AGBL4: variants seen among roughly 807,000 people sequenced by gnomAD.
AGBL4 encodes cytosolic carboxypeptidase 6.
AGBL4 carries 58 observed loss-of-function variants against 66.4 expected under a neutral mutation model. The observed-to-expected ratio is 0.87, with a 90% CI of 0.71 to 1.09. AGBL4 has a LOEUF of 1.09. Ranked by LOEUF, AGBL4 falls within the 50% of genes least tolerant of loss-of-function variation. The pLI, the probability that AGBL4 is intolerant of heterozygous loss-of-function variation, is 0.00. For synonymous variants in AGBL4, 234 were observed against 222.9 expected, an observed-to-expected ratio of 1.05 and a Z score of -0.44; for missense variants, 579 against 631.0, an observed-to-expected ratio of 0.92 and a Z score of 0.88.
At chr1:49,530,292 T>G (rs1319846553) in intron 3 of AGBL4, among the ~76,000 whole-genome samples, 1 of 52,680 alleles carries the variant, frequency 1.9e-5, no homozygotes, top group Non-Finnish European at 5.1e-5. Context: ...ACTCTATGAG[T>G]TTTTTTTTAT....
intron 3 of AGBL4, among the ~76,000 whole-genome samples, chr1:49,471,138 ATCTC>A (rs1436719376): frequency 6.6e-6 from 1 of 151,990 alleles, no homozygotes; most frequent in Non-Finnish European, 1.5e-5. Context: ...ACACATAACA[ATCTC>A]TCCTAAAATG....
intron 1 of AGBL4, among the ~76,000 whole-genome samples, chr1:49,942,863 C>T (rs562450464): frequency 7.9e-5 from 12 of 152,088 alleles, no homozygotes; most frequent in Middle Eastern, 3.4e-3. Flanking sequence ...AACTGAGTGA[C>T]GAGACAACCT....
intron 3 of AGBL4, among the ~76,000 whole-genome samples, chr1:49,285,238 A>G (rs1644376726): frequency 6.6e-6 from 1 of 152,348 alleles, no homozygotes; most frequent in Non-Finnish European, 1.5e-5. Flanking sequence ...GCTCAACTAC[A>G]TGGAAACTGA....
chr1:49,271,224 G>A (rs1644050739), intron 3 of AGBL4, among the ~76,000 whole-genome samples: 1 of 152,030 alleles, frequency 6.6e-6, no homozygotes, highest in South Asian at 2.1e-4. Flanking sequence ...GGACATATGG[G>A]ACTTTTGGGA....
chr1:48,798,393 A>G (rs770301256), intron 6 of AGBL4, among the ~76,000 whole-genome samples: 7 of 151,998 alleles, frequency 4.6e-5, no homozygotes, highest in African/African-American at 1.7e-4. Flanking sequence ...TGTCGGATGC[A>G]TAGTTTGTGA....
intron 6 of AGBL4, among the ~76,000 whole-genome samples, chr1:48,786,787 G>C (rs1645417393): frequency 6.6e-6 from 1 of 152,140 alleles, no homozygotes; most frequent in South Asian, 2.1e-4. Flanking sequence ...TTACTGCCGG[G>C]GAAGAGTGGA....
At chr1:49,669,741 A>C (rs919033855) in intron 3 of AGBL4, among the ~76,000 whole-genome samples, 2 of 152,186 alleles carry the variant, frequency 1.3e-5, no homozygotes, top group Non-Finnish European at 2.9e-5. Context: ...AATCTTCCCA[A>C]TAAGGCAAAT....
At chr1:49,596,461 A>G (rs1644855923) in intron 3 of AGBL4, among the ~76,000 whole-genome samples, 1 of 152,124 alleles carries the variant, frequency 6.6e-6, no homozygotes, top group Non-Finnish European at 1.5e-5. Flanking sequence ...GTGAGGCACT[A>G]CGCCCAGCCT....
chr1:48,990,469 T>C (rs993629813), intron 5 of AGBL4, among the ~76,000 whole-genome samples: 3 of 152,142 alleles, frequency 2.0e-5, no homozygotes, highest in African/African-American at 7.2e-5. Context: ...CAAAGACCAA[T>C]GTCCTGGAGA....
chr1:49,349,584 A>G (rs1645707206), intron 3 of AGBL4, among the ~76,000 whole-genome samples: 1 of 152,068 alleles, frequency 6.6e-6, no homozygotes, highest in South Asian at 2.1e-4. Context: ...GACACTATGT[A>G]CCTCTTCTTT....
chr1:49,193,403 T>G (rs2148212251), intron 4 of AGBL4, among the ~76,000 whole-genome samples: 1 of 152,084 alleles, frequency 6.6e-6, no homozygotes, highest in Non-Finnish European at 1.5e-5. Context: ...TGTTTCCATA[T>G]TCATTCATTT....
intron 4 of AGBL4, among the ~76,000 whole-genome samples, chr1:49,142,757 T>C (rs981711452): frequency 1.3e-5 from 2 of 152,096 alleles, no homozygotes; most frequent in African/African-American, 4.8e-5. Flanking sequence ...AATAGAAACT[T>C]AAATTAATAA....
intron 1 of AGBL4, among the ~76,000 whole-genome samples, chr1:49,971,906 G>GTTTTTTTTTTTT (rs1658122896): frequency 2.3e-5 from 1 of 43,442 alleles, no homozygotes; most frequent in Admixed American, 4.8e-4. Context: ...GGTTTTTTTG[G>GTTTTTTTTTTTT]GTTTTTTTTT....
Position 48,533,087 on chromosome 1 carries a change from CTG to C in AGBL4, c.*1084_*1085del, listed in dbSNP as rs1331938432. ...AAACAAAAAATGCTTTAGTGGAGCT[CTG>C]TGCTAAGGGATTTTCCTCCCTGGAG... is the stretch of plus-strand genomic sequence containing the variant. On this transcript the variant is annotated 3_prime_UTR_variant, in exon 14 of 14. Transcript: ENST00000371839. The C allele has an allele frequency of 6.6e-6, 1 of 152,024 alleles. No individual in the cohort carries two copies. Among genetic ancestry groups the C allele is most frequent in the Admixed American group, 6.5e-5 (1 of 15,268 alleles). 9.4% of individuals were successfully genotyped at this position (152,024 alleles called of 1,614,324 possible). A position where few individuals can be genotyped will look rare whatever the true frequency, so the allele number is the denominator to read the frequency against.
At position 49,953,464 on chromosome 1, in the gene AGBL4, T is replaced by A. The variant is rs1656330161; in HGVS notation, c.34+70299A>T. Among the ~76,000 whole-genome samples the A allele has an allele frequency of 2.0e-5, 3 of 151,934 alleles. No homozygotes were observed. In the South Asian group the frequency reaches 6.2e-4, roughly 31 times the overall value. On this transcript the variant is annotated intron_variant, in intron 1 of 13. Transcript: ENST00000371839. ...CTGCAAATTTACTAATAAATATATC[T>A]CCAAATAACTTTAGTAGAAATTTTA...
At chr1:49,110,592 T>G (rs1404933197) in intron 4 of AGBL4, among the ~76,000 whole-genome samples, 2 of 152,188 alleles carry the variant, frequency 1.3e-5, no homozygotes, top group East Asian at 3.8e-4. Context: ...AAAGGCCTTT[T>G]GCATGTCCCC....
chr1:49,960,967 T>C (rs1341006706), intron 1 of AGBL4, among the ~76,000 whole-genome samples: 4 of 151,970 alleles, frequency 2.6e-5, no homozygotes, highest in Non-Finnish European at 4.4e-5. Flanking sequence ...TAATAGAGTG[T>C]AAAGTTCAAA....
intron 6 of AGBL4, among the ~76,000 whole-genome samples, chr1:48,719,979 GAGA>G (rs1332537073): frequency 1.3e-5 from 2 of 152,172 alleles, no homozygotes; most frequent in Non-Finnish European, 2.9e-5. Flanking sequence ...ATGAGAACAA[GAGA>G]AGAAGGCCTC....
At chr1:48,580,070 G>A (rs1644716455) in intron 11 of AGBL4, among the ~76,000 whole-genome samples, 1 of 152,160 alleles carries the variant, frequency 6.6e-6, no homozygotes, top group African/African-American at 2.4e-5. Flanking sequence ...TGCAGGACTT[G>A]CAAAAGTAAC....
Sources: gnomAD v4.1 joint callset for allele counts (sites outside exome capture counted in the v4.1 genomes callset) on GRCh38, gnomAD v4.1.1 for gene constraint, MANE v1.5 for transcripts, NCBI Gene and HGNC (gene_info 2026-07-23, HGNC 2026-07-21) for gene names.